RASAL2: variants seen among roughly 807,000 people sequenced by gnomAD.
The protein encoded by RASAL2 is RAS protein activator like 2.
RASAL2 carries 58 observed loss-of-function variants against 128.9 expected under a neutral mutation model. The observed-to-expected ratio is 0.45, with a 90% CI of 0.36 to 0.56. The LOEUF is 0.56. RASAL2 is among the 20% of genes least tolerant of loss of function. The pLI is 0.00. For synonymous variants in RASAL2, 561 were observed against 580.8 expected (o/e 0.97, Z 0.49); for missense variants, 1,360 against 1,601.6 (o/e 0.85, Z 2.57).
At chr1:178,424,298 A>G (rs921062285) in intron 5 of RASAL2, among the ~76,000 whole-genome samples, 4 of 150,134 alleles carry the variant, frequency 2.7e-5, no homozygotes, top group African/African-American at 9.8e-5. Context: ...GCTGGAGTGT[A>G]GTGGCACAAT....
intron 4 of RASAL2, among the ~76,000 whole-genome samples, chr1:178,406,934 TAA>T (rs750552858): frequency 1.3e-5 from 2 of 152,102 alleles, no homozygotes; most frequent in East Asian, 1.9e-4. Flanking sequence ...TTTGTATGTT[TAA>T]AAGTTTCATA....
At chr1:178,193,630 C>T (rs1252337692) in intron 1 of RASAL2, among the ~76,000 whole-genome samples, 4 of 152,008 alleles carry the variant, frequency 2.6e-5, no homozygotes, top group African/African-American at 9.7e-5. Context: ...GCAGCTAGCA[C>T]AGGTAGTTGA....
chr1:178,349,293 C>T lies in RASAL2; in HGVS notation c.458-40807C>T, dbSNP rs558765343. On this transcript the variant is annotated intron_variant, in intron 3 of 17. Coordinates refer to ENST00000367649, the MANE Select transcript of RASAL2 (RefSeq NM_170692.4). ...AAAAAAAAAAAGCCAGGCATGGTGG[C>T]GCGCGCCTGTAGTCCCAGCTACTCG... Among the ~76,000 whole-genome samples the T allele has an allele frequency of 7.5e-5, 11 of 146,748 alleles. No individual in the cohort carries two copies. The East Asian group carries it at 1.4e-3, about 19-fold the overall frequency.
chr1:178,112,899 T>G (rs2102250770), intron 1 of RASAL2, among the ~76,000 whole-genome samples: 1 of 152,010 alleles, frequency 6.6e-6, no homozygotes, highest in Non-Finnish European at 1.5e-5. Flanking sequence ...CCCTAAAACT[T>G]AAAGTATAAT....
At chr1:178,441,401 A>G (rs1676641592) in intron 6 of RASAL2, 148 bp from the exon 7 acceptor site, 1 of 563,648 alleles carries the variant, frequency 1.8e-6, no homozygotes, top group Non-Finnish European at 3.2e-6. Context: ...ATCTGAGACC[A>G]TGTTTTTCTT....
chr1:178,150,196 AG>A (rs1014464082), intron 1 of RASAL2, among the ~76,000 whole-genome samples: 33 of 152,104 alleles, frequency 2.2e-4, no homozygotes, highest in African/African-American at 6.5e-4. Flanking sequence ...CTTAACTGTT[AG>A]GTTATTTATT....
intron 4 of RASAL2, among the ~76,000 whole-genome samples, chr1:178,411,177 C>CGT (rs1430222205): frequency 6.8e-6 from 1 of 146,704 alleles, no homozygotes; most frequent in Non-Finnish European, 1.5e-5. Flanking sequence ...CACACACACA[C>CGT]ACACACACAC....
chr1:178,320,692 T>C (rs978889389), intron 3 of RASAL2, among the ~76,000 whole-genome samples: 8 of 152,182 alleles, frequency 5.3e-5, no homozygotes, highest in Admixed American at 3.9e-4. Context: ...GCCCACTGTC[T>C]GGCACTCCCT....
intron 3 of RASAL2, among the ~76,000 whole-genome samples, chr1:178,380,855 TAGTC>T (rs1672244628): frequency 1.3e-5 from 2 of 152,166 alleles, no homozygotes; most frequent in Non-Finnish European, 2.9e-5. Flanking sequence ...GTATCAGTAT[TAGTC>T]AGGAATATAG....
At chr1:178,262,655 A>C (rs1665751880) in intron 1 of RASAL2, among the ~76,000 whole-genome samples, 1 of 152,208 alleles carries the variant, frequency 6.6e-6, no homozygotes, top group South Asian at 2.1e-4. Flanking sequence ...GAAGAAGATC[A>C]ATTACTCCTC....
intron 14 of RASAL2, among the ~76,000 whole-genome samples, chr1:178,464,027 T>C (rs1647380889): frequency 6.6e-6 from 1 of 152,228 alleles, no homozygotes; most frequent in South Asian, 2.1e-4. Context: ...TGACTTTCTT[T>C]AGAGGGAGAA....
At chr1:178,438,879 CTCTGTGTG>C (rs1418388573) in intron 5 of RASAL2, among the ~76,000 whole-genome samples, 3 of 78,100 alleles carry the variant, frequency 3.8e-5, no homozygotes, top group African/African-American at 1.6e-4. Context: ...TGAGCTTCGA[CTCTGTGTG>C]TGTGTGTGTG....
At chr1:178,470,680 T>A in intron 17 of RASAL2, 1 of 1,365,248 alleles carries the variant, frequency 7.3e-7, no homozygotes, top group Non-Finnish European at 9.8e-7. Flanking sequence ...ATCTCCGCTG[T>A]GTTAAATTAC....
At chr1:178,112,007 A>G (rs1021492471) in intron 1 of RASAL2, among the ~76,000 whole-genome samples, 1 of 152,066 alleles carries the variant, frequency 6.6e-6, no homozygotes, top group African/African-American at 2.4e-5. Context: ...GGAATTACAG[A>G]TGTGAGCTAC....
At chr1:178,226,508 GA>G (rs1164626536) in intron 1 of RASAL2, among the ~76,000 whole-genome samples, 1 of 152,044 alleles carries the variant, frequency 6.6e-6, no homozygotes, top group East Asian at 1.9e-4. Flanking sequence ...GAAGAGAAGA[GA>G]AAAAACGGTT....
chr1:178,122,191 G>A (rs1659741805), intron 1 of RASAL2, among the ~76,000 whole-genome samples: 1 of 152,184 alleles, frequency 6.6e-6, no homozygotes, highest in African/African-American at 2.4e-5. Context: ...TGAGATTCAT[G>A]AAATGTGCAT....
chr1:178,234,310 A>G (rs1180867617), intron 1 of RASAL2, among the ~76,000 whole-genome samples: 1 of 152,210 alleles, frequency 6.6e-6, no homozygotes, highest in Non-Finnish European at 1.5e-5. Context: ...AATTAATGTT[A>G]TTAGTGAGAA....
intron 1 of RASAL2, among the ~76,000 whole-genome samples, chr1:178,128,808 T>A (rs1659993561): frequency 6.6e-6 from 1 of 152,146 alleles, no homozygotes; most frequent in Admixed American, 6.5e-5. Flanking sequence ...GTGACTGGGT[T>A]CTTTCACCAT....
intron 1 of RASAL2, among the ~76,000 whole-genome samples, chr1:178,165,253 A>G (rs1279811646): frequency 6.6e-6 from 1 of 152,132 alleles, no homozygotes; most frequent in Non-Finnish European, 1.5e-5. Context: ...ATAGTTACAT[A>G]TGAATGTGTA....
Sources: allele counts gnomAD v4.1 joint callset (sites outside exome capture counted in the v4.1 genomes callset), GRCh38; gene constraint gnomAD v4.1.1; transcripts MANE v1.5; gene names NCBI Gene and HGNC (gene_info 2026-07-23, HGNC 2026-07-21).